Variants in PARG observed in about 807,000 individuals in gnomAD.
The protein encoded by PARG is mitochondrial poly(ADP-ribose) glycohydrolase.
PARG carries 35 observed loss-of-function variants against 113.0 expected under a neutral mutation model. That is an observed-to-expected ratio of 0.31 (90% confidence interval 0.24 to 0.41). PARG has a LOEUF of 0.41. Among genes scored for constraint, PARG ranks in the 10% least tolerant of loss-of-function variants. The pLI, the probability that PARG is intolerant of heterozygous loss-of-function variation, is 1.00. For missense variants in PARG, 797 were observed against 1,169.4 expected (o/e 0.68, Z 4.64); for synonymous variants, 330 against 409.9 (o/e 0.81, Z 2.36).
intron 16 of PARG, among the ~76,000 whole-genome samples, chr10:49,824,848 G>A (rs1260133089): frequency 2.0e-5 from 3 of 152,146 alleles, no homozygotes; most frequent in Non-Finnish European, 4.4e-5. Context: ...GCCAGAAAGC[G>A]GTGGAGCTGA....
chr10:49,891,899 T>C (rs1482009563), intron 7 of PARG, among the ~76,000 whole-genome samples: 1 of 151,274 alleles, frequency 6.6e-6, no homozygotes, highest in Non-Finnish European at 1.5e-5. Context: ...AGTGCTGGGA[T>C]GACAGGCATG....
At chr10:49,837,994 C>CA (rs1845027238) in intron 15 of PARG, among the ~76,000 whole-genome samples, 1 of 152,092 alleles carries the variant, frequency 6.6e-6, no homozygotes, top group Non-Finnish European at 1.5e-5. Context: ...TTTATGATCA[C>CA]AAAAGAAGAG....
intron 6 of PARG, among the ~76,000 whole-genome samples, chr10:49,920,632 A>G (rs564564727): frequency 1.4e-5 from 2 of 147,388 alleles, no homozygotes; most frequent in Admixed American, 6.8e-5. Context: ...ATATACATGT[A>G]TATATATACA....
chr10:49,839,509 T>G (rs142751936), intron 15 of PARG, among the ~76,000 whole-genome samples: 1 of 152,338 alleles, frequency 6.6e-6, no homozygotes, highest in East Asian at 1.9e-4. Context: ...ATTAAGACTC[T>G]ATATTCTATA....
chr10:49,832,303 C>T (rs1844707300), intron 16 of PARG, among the ~76,000 whole-genome samples: 3 of 152,220 alleles, frequency 2.0e-5, no homozygotes, highest in Admixed American at 2.0e-4. Flanking sequence ...AGCACTCATT[C>T]CCATGTACTG....
chr10:49,848,740 C>T (rs1554833724), intron 13 of PARG, among the ~76,000 whole-genome samples: 3 of 152,090 alleles, frequency 2.0e-5, no homozygotes, highest in African/African-American at 7.2e-5. Context: ...TGCATTTCCA[C>T]ATAGTAGCAA....
intron 9 of PARG, among the ~76,000 whole-genome samples, chr10:49,870,007 G>A (rs1319152143): frequency 2.0e-5 from 3 of 152,128 alleles, no homozygotes; most frequent in Admixed American, 2.0e-4. Flanking sequence ...GGGAATGGGG[G>A]CAGGGACACA....
intron 4 of PARG, among the ~76,000 whole-genome samples, chr10:49,927,318 G>A (rs1838226904): frequency 7.0e-6 from 1 of 142,902 alleles, no homozygotes; most frequent in Admixed American, 7.0e-5. Flanking sequence ...AAGAAAGAAA[G>A]AAAGAAAGAA....
chr10:49,919,708 T>G (rs1418962415), intron 6 of PARG, among the ~76,000 whole-genome samples: 1 of 152,168 alleles, frequency 6.6e-6, no homozygotes, highest in Non-Finnish European at 1.5e-5. Context: ...CTGTGGCACA[T>G]GCCTGTAACA....
Position 49,843,593 on chromosome 10 carries a change from G to T in PARG, c.2393C>A (p.Thr798Lys). 6.4e-7 allele frequency: 1 copy of T among 1,551,030 alleles called. No homozygotes were observed. The highest frequency in any genetic ancestry group is 1.4e-5 in the African/African-American group (1 of 73,152). ...TTCGTGGCTCCGGGACCAACGATAT[G>T]TCTCAGCATAGCCTGTGTATTCACT... ...QYSEYTGYAETYRWSRSHEDG... is the reference protein window; with the variant it reads ...QYSEYTGYAEKYRWSRSHEDG... The change falls in exon 14 of 18, where the codon ACA (threonine) becomes AAA (lysine). Residue 798 changes from threonine to lysine, a missense_variant. By Grantham distance (78) the Thr-to-Lys change is moderately conservative. Coordinates refer to ENST00000616448, the MANE Select transcript of PARG (RefSeq NM_003631.5).
intron 11 of PARG, among the ~76,000 whole-genome samples, chr10:49,863,012 C>T (rs1362883029): frequency 1.3e-5 from 2 of 150,958 alleles, no homozygotes; most frequent in Non-Finnish European, 3.0e-5. Flanking sequence ...AAGCTAGAAA[C>T]TTTATAGTAT....
chr10:49,914,915 C>T lies in PARG; in HGVS notation c.1737+1002G>A, dbSNP rs1309151482. Among the ~76,000 whole-genome samples, 4 of 152,200 alleles carry T rather than the reference C, an allele frequency of 2.6e-5. No individual in the cohort carries two copies. In the South Asian group the frequency reaches 6.2e-4, roughly 24 times the overall value. On this transcript the variant is annotated intron_variant, in intron 7 of 17. Coordinates refer to ENST00000616448, the MANE Select transcript of PARG (RefSeq NM_003631.5). Reference sequence around the variant, plus strand: ...ATAATGAAGTTGAACTCCTACCTTACACCACATATGAAAATTAACTCGAAA... The same window carrying T: ...ATAATGAAGTTGAACTCCTACCTTATACCACATATGAAAATTAACTCGAAA...
At chr10:49,838,354 C>T (rs185561599) in intron 15 of PARG, among the ~76,000 whole-genome samples, 1 of 148,890 alleles carries the variant, frequency 6.7e-6, no homozygotes, top group Non-Finnish European at 1.5e-5. Flanking sequence ...TCGCTTGAAC[C>T]CGGGAGGTGG....
chr10:49,833,142 G>T (rs1394071517), intron 15 of PARG: 7 of 287,002 alleles, frequency 2.4e-5, no homozygotes, highest in African/African-American at 4.4e-5. Flanking sequence ...TTGTTTGAAT[G>T]CTAAGCACAT....
rs545435984 is a variant in PARG, at chr10:49,909,164, T to C, written c.1737+6753A>G. 6.6e-5 allele frequency among the ~76,000 whole-genome samples: 10 copies of C among 152,316 alleles called. No individual in the cohort carries two copies. In the South Asian group the frequency reaches 1.7e-3, roughly 25 times the overall value. Reference sequence around the variant, plus strand: ...AGTATACCACATATGCATGAATGCATTGATGCTCAAGTGATGCATAAACAT... The same window carrying C: ...AGTATACCACATATGCATGAATGCACTGATGCTCAAGTGATGCATAAACAT... On this transcript the variant is annotated intron_variant, in intron 7 of 17. Transcript: ENST00000616448.
At chr10:49,863,135 C>A (rs556879331) in intron 11 of PARG, among the ~76,000 whole-genome samples, 2 of 149,420 alleles carry the variant, frequency 1.3e-5, no homozygotes, top group African/African-American at 5.0e-5. Context: ...GAGTCAGAGA[C>A]GTAGATGATT....
At chr10:49,879,515 G>A (rs1847113648) in intron 9 of PARG, among the ~76,000 whole-genome samples, 158 bp downstream of exon 9, 1 of 151,170 alleles carries the variant, frequency 6.6e-6, no homozygotes, top group African/African-American at 2.4e-5. Flanking sequence ...TAATCACCTT[G>A]CCTGCAAAAT....
In PARG at chr10:49,846,187, G is replaced by C. The variant is rs1213925233; in HGVS notation, c.2354-2555C>G. On this transcript the variant is annotated intron_variant, in intron 13 of 17. Transcript: ENST00000616448. ...AACCACTGACACATTAAAAAACATA[G>C]ATAGATCTCACATTACGCTAAGCAA... 2.0e-5 allele frequency among the ~76,000 whole-genome samples: 3 copies of C among 150,730 alleles called. No homozygotes were observed. The East Asian group carries it at 5.8e-4, about 29-fold the overall frequency.
chr10:49,916,665 T>G (rs1283506225), intron 6 of PARG, among the ~76,000 whole-genome samples: 5 of 152,144 alleles, frequency 3.3e-5, no homozygotes, highest in Non-Finnish European at 7.4e-5. Context: ...ATACATCTGG[T>G]TTCCAGAGTC....
Sources: gnomAD v4.1 joint callset for allele counts (sites outside exome capture counted in the v4.1 genomes callset) on GRCh38, gnomAD v4.1.1 for gene constraint, MANE v1.5 for transcripts, NCBI Gene and HGNC (gene_info 2026-07-23, HGNC 2026-07-21) for gene names.